Variants in NGEF observed in about 807,000 individuals in gnomAD.
NGEF encodes ephexin-1.
In NGEF, 31 loss-of-function variants were observed where a neutral mutation model predicts 80.9. That is an observed-to-expected ratio of 0.38 (90% CI 0.29 to 0.52). The LOEUF is 0.52. NGEF is among the 20% of genes least tolerant of loss of function. The pLI, the probability that NGEF is intolerant of heterozygous loss-of-function variation, is 0.84. For synonymous variants in NGEF, 371 were observed against 370.2 expected, an observed-to-expected ratio of 1.00 and a Z score of -0.03; for missense variants, 709 against 926.2, an observed-to-expected ratio of 0.77 and a Z score of 3.04.
chr2:232,941,587 G>A (rs1980169), intron 3 of NGEF, among the ~76,000 whole-genome samples: 113,791 of 151,954 alleles, frequency 0.75, 42,965 homozygotes, highest in East Asian at 0.89. Flanking sequence ...ACTTTTACTC[G>A]TACGTGTTTA....
chr2:233,011,587 GA>G (rs10606451), intron 1 of NGEF, among the ~76,000 whole-genome samples: 9,822 of 138,086 alleles, frequency 0.071, 863 homozygotes, highest in African/African-American at 0.21. Context: ...TTAAAGCAAT[GA>G]AAAAAAAAAA....
At chr2:232,987,735 G>A (rs537239453) in intron 1 of NGEF, among the ~76,000 whole-genome samples, 47 of 152,284 alleles carry the variant, frequency 3.1e-4, no homozygotes, top group Middle Eastern at 3.4e-3. Context: ...GTAGGGACCT[G>A]CTGGAAGACT....
At chr2:232,956,879 G>A (rs1693844409) in intron 3 of NGEF, among the ~76,000 whole-genome samples, 1 of 146,900 alleles carries the variant, frequency 6.8e-6, no homozygotes, top group East Asian at 2.0e-4. Flanking sequence ...AAGGACAATG[G>A]CTAAAAAGAA....
At chr2:232,899,576 ACAGT>A (rs1365374272) in intron 5 of NGEF, among the ~76,000 whole-genome samples, 6 of 150,770 alleles carry the variant, frequency 4.0e-5, no homozygotes, top group Admixed American at 1.3e-4. Flanking sequence ...ACATGCTCTC[ACAGT>A]CACTCATATA....
At chr2:232,890,798 GT>G in intron 8 of NGEF, 1 of 413,110 alleles carries the variant, frequency 2.4e-6, no homozygotes, top group Non-Finnish European at 5.0e-6. Flanking sequence ...CTAAAAGTGG[GT>G]CCGATCAGGT....
At position 232,879,292 on chromosome 2, in the gene NGEF, C is replaced by A; in HGVS notation, c.*197G>T. The A allele has an allele frequency of 1.8e-6, 1 of 560,690 alleles. No individual in the cohort carries two copies. The highest frequency in any genetic ancestry group is 3.2e-6 in the Non-Finnish European group (1 of 317,346). 34.7% of individuals were successfully genotyped at this position (560,690 alleles called of 1,614,324 possible). A position where few individuals can be genotyped will look rare whatever the true frequency, so the allele number is the denominator to read the frequency against. ...ACAAATGCATCAGGAGAGGCTTGGG[C>A]ACCCTTTATCCAGTTTGCGAGCAAG... On this transcript the variant is annotated 3_prime_UTR_variant, in exon 15 of 15. Transcript: ENST00000264051.
chr2:232,912,243 C>T (rs547501757), intron 5 of NGEF, among the ~76,000 whole-genome samples: 8 of 152,208 alleles, frequency 5.3e-5, no homozygotes, highest in South Asian at 2.1e-4. Flanking sequence ...AAATGCTTTT[C>T]GTGCATCAAT....
chr2:232,887,189 G>A (rs751984644), intron 9 of NGEF, among the ~76,000 whole-genome samples: 2 of 152,200 alleles, frequency 1.3e-5, no homozygotes, highest in Non-Finnish European at 2.9e-5. Context: ...CCATGACGGC[G>A]TCACTGGCTC....
chr2:232,972,456 G>A (rs1054647427), intron 2 of NGEF, among the ~76,000 whole-genome samples: 6 of 152,154 alleles, frequency 3.9e-5, no homozygotes, highest in Non-Finnish European at 8.8e-5. Flanking sequence ...TATGTGGCTT[G>A]CAGCATATTT....
At chr2:232,985,451 T>G (rs1182249667) in intron 1 of NGEF, among the ~76,000 whole-genome samples, 1 of 151,964 alleles carries the variant, frequency 6.6e-6, no homozygotes, top group Non-Finnish European at 1.5e-5. Context: ...ACCCCATCTC[T>G]ACTAAAAATA....
intron 3 of NGEF, among the ~76,000 whole-genome samples, chr2:232,956,371 T>G (rs560015832): frequency 6.6e-6 from 1 of 152,146 alleles, no homozygotes; most frequent in Admixed American, 6.5e-5. Flanking sequence ...TCAAAAGAAT[T>G]AGAAAAAGAT....
chr2:232,944,726 A>AACATATAT (rs988760226), intron 3 of NGEF, among the ~76,000 whole-genome samples: 1 of 108,722 alleles, frequency 9.2e-6, no homozygotes, highest in Admixed American at 9.4e-5. Flanking sequence ...GACTTTTCCG[A>AACATATAT]ATATATATAT....
chr2:232,881,063 TG>T (rs1691485765), intron 14 of NGEF, 82 bp downstream of exon 14: 2 of 1,044,504 alleles, frequency 1.9e-6, no homozygotes, highest in Non-Finnish European at 2.9e-6. Context: ...CAGACAGTGG[TG>T]GCATCTGCTT....
At chr2:232,987,058 C>T (rs1694546461) in intron 1 of NGEF, among the ~76,000 whole-genome samples, 1 of 152,002 alleles carries the variant, frequency 6.6e-6, no homozygotes. Context: ...ACTCTGTTGC[C>T]CAGGCTGGAG....
intron 1 of NGEF, among the ~76,000 whole-genome samples, chr2:232,987,247 A>G (rs549354473): frequency 2.0e-5 from 3 of 151,988 alleles, no homozygotes; most frequent in Non-Finnish European, 4.4e-5. Context: ...TGAACTCCTG[A>G]CCTCAAGTGA....
chr2:232,891,457 G>A lies in NGEF; in HGVS notation c.1173C>T (p.Ile391=), dbSNP rs148012306. 10 of 1,613,158 alleles carry A rather than the reference G, an allele frequency of 6.2e-6. No individual in the cohort carries two copies. The highest frequency in any genetic ancestry group is 2.7e-5 in the African/African-American group (2 of 74,934). The change falls in exon 8 of 15, where the codon ATC becomes ATT. Residue 391 remains isoleucine, a synonymous_variant. Transcript: ENST00000264051. ...LQEKAAFREL[I]AQLELDPKCR... ...ACTTGGGGTCGAGCTCTAGCTGCGC[G>A]ATCAGCTCCCGGAAAGCTGCCTTCT...
At chr2:232,955,340 G>C (rs986949972) in intron 3 of NGEF, among the ~76,000 whole-genome samples, 3 of 152,086 alleles carry the variant, frequency 2.0e-5, no homozygotes, top group Non-Finnish European at 4.4e-5. Flanking sequence ...AAACCAGGAA[G>C]TCAGCTTTGA....
intron 3 of NGEF, among the ~76,000 whole-genome samples, chr2:232,966,699 A>G (rs1008123703): frequency 3.3e-5 from 5 of 152,100 alleles, no homozygotes; most frequent in African/African-American, 1.2e-4. Flanking sequence ...GTGTTAAAAC[A>G]TTTTTATGTA....
chr2:233,005,631 G>A (rs1159694476), intron 1 of NGEF, among the ~76,000 whole-genome samples: 1 of 152,168 alleles, frequency 6.6e-6, no homozygotes, highest in South Asian at 2.1e-4. Context: ...TGGATTTGAG[G>A]ATGGAGGAAG....
Sources: gnomAD v4.1 joint callset for allele counts (sites outside exome capture counted in the v4.1 genomes callset) on GRCh38, gnomAD v4.1.1 for gene constraint, MANE v1.5 for transcripts, NCBI Gene and HGNC (gene_info 2026-07-23, HGNC 2026-07-21) for gene names.